GRM5: variants seen among roughly 807,000 people sequenced by gnomAD.
GRM5 encodes metabotropic glutamate receptor 5.
GRM5 carries 19 observed loss-of-function variants against 83.1 expected under a neutral mutation model. The ratio of observed to expected loss-of-function variants is 0.23; its 90% CI spans 0.16 to 0.34. GRM5 has a LOEUF of 0.34. Ranked by LOEUF, GRM5 falls within the 10% of genes least tolerant of loss-of-function variation. The pLI is 1.00. For synonymous variants in GRM5, 675 were observed against 633.6 expected (o/e 1.07, Z -0.98); for missense variants, 1,160 against 1,588.3 (o/e 0.73, Z 4.58).
rs68153026 is a variant in GRM5, at chr11:88,616,389, GTTTTTT to G, written c.1148-11431_1148-11426del. 9.5e-3 allele frequency among the ~76,000 whole-genome samples: 910 copies of G among 95,758 alleles called. 10 individuals are homozygous for G. Among genetic ancestry groups the G allele is most frequent in the African/African-American group, 0.029 (763 of 26,496 alleles). The allele number at this position is 95,758 out of a possible 152,430, so 62.8% of individuals were successfully genotyped here. ...GTTGGATAAGATAGGGCTTTGGAGT[GTTTTTT>G]TTTTTTTTTTTTTTTTTTTACCAGA... is the stretch of plus-strand genomic sequence containing the variant. On this transcript the variant is annotated intron_variant, in intron 4 of 9. Coordinates refer to ENST00000305447, the MANE Select transcript of GRM5 (RefSeq NM_001143831.3).
chr11:88,984,886 T>C (rs755928097), intron 2 of GRM5: 1 of 654,494 alleles, frequency 1.5e-6, no homozygotes, highest in Admixed American at 2.6e-5. Flanking sequence ...TGGCAAATCA[T>C]GAAAATAAAT....
chr11:88,797,068 A>C (rs571458363), intron 3 of GRM5, among the ~76,000 whole-genome samples: 1 of 152,260 alleles, frequency 6.6e-6, no homozygotes, highest in South Asian at 2.1e-4. Flanking sequence ...CTGTACAAAC[A>C]TTGATATCAT....
At chr11:89,054,983 A>C (rs1282377246) in intron 1 of GRM5, among the ~76,000 whole-genome samples, 1 of 152,206 alleles carries the variant, frequency 6.6e-6, no homozygotes. Flanking sequence ...TTAATTTGGA[A>C]CTGAGGGATA....
At chr11:89,006,863 T>A (rs899118522) in intron 2 of GRM5, among the ~76,000 whole-genome samples, 2 of 152,222 alleles carry the variant, frequency 1.3e-5, no homozygotes, top group African/African-American at 4.8e-5. Flanking sequence ...AGTGGCGCAA[T>A]CTCGGCTCAC....
chr11:89,014,227 C>T, intron 2 of GRM5, among the ~76,000 whole-genome samples: 1 of 152,090 alleles, frequency 6.6e-6, no homozygotes, highest in Non-Finnish European at 1.5e-5. Context: ...AGTAACTCCA[C>T]CTCTATTTCT....
chr11:89,043,419 A>T (rs998911663), intron 2 of GRM5, among the ~76,000 whole-genome samples: 3 of 152,180 alleles, frequency 2.0e-5, no homozygotes, highest in African/African-American at 7.2e-5. Context: ...AAATATATTC[A>T]AGCGCTTAAC....
intron 2 of GRM5, among the ~76,000 whole-genome samples, chr11:88,968,459 G>T (rs901406068): frequency 6.6e-6 from 1 of 152,102 alleles, no homozygotes; most frequent in Non-Finnish European, 1.5e-5. Flanking sequence ...AACTTAGGAG[G>T]ATTACTTGAA....
intron 7 of GRM5, among the ~76,000 whole-genome samples, chr11:88,573,546 C>G (rs529193022): frequency 6.6e-6 from 1 of 152,140 alleles, no homozygotes; most frequent in African/African-American, 2.4e-5. Context: ...TGTTTAGAAT[C>G]TCTGAGAATA....
chr11:88,610,433 C>T (rs1485174407), intron 4 of GRM5, among the ~76,000 whole-genome samples: 1 of 152,064 alleles, frequency 6.6e-6, no homozygotes, highest in African/African-American at 2.4e-5. Flanking sequence ...TTTTTCACTT[C>T]CTTGGTAAAC....
intron 2 of GRM5, among the ~76,000 whole-genome samples, chr11:88,887,294 G>A (rs316117): frequency 0.5 from 76,613 of 152,046 alleles, 19,935 homozygotes; most frequent in South Asian, 0.61. Context: ...TTTAAGTCTG[G>A]AAGTTAACCA....
In GRM5 at chr11:88,834,984, C is replaced by T. The variant is rs182677696; in HGVS notation, c.911+14922G>A. Among the ~76,000 whole-genome samples the T allele has an allele frequency of 3.9e-5, 6 of 152,062 alleles. No individual in the cohort carries two copies. The East Asian group carries it at 9.7e-4, about 25-fold the overall frequency. On this transcript the variant is annotated intron_variant, in intron 3 of 9. Transcript: ENST00000305447. ...TGCCTCTCTATTACTGCCATTTTTC[C>T]CCCCCTGCAGTTTCAGCCACTCTAA...
chr11:88,862,547 C>T (rs1351453606), intron 2 of GRM5, among the ~76,000 whole-genome samples: 1 of 152,026 alleles, frequency 6.6e-6, no homozygotes, highest in Non-Finnish European at 1.5e-5. Context: ...CCAATAGTTG[C>T]ATTACTCTAA....
chr11:88,961,709 A>C (rs1229161812), intron 2 of GRM5, among the ~76,000 whole-genome samples: 1 of 152,092 alleles, frequency 6.6e-6, no homozygotes, highest in African/African-American at 2.4e-5. Flanking sequence ...CTTCTTTTTC[A>C]ATTTTATCAT....
At chr11:88,585,204 G>A (rs1316631894) in intron 7 of GRM5, among the ~76,000 whole-genome samples, 1 of 152,128 alleles carries the variant, frequency 6.6e-6, no homozygotes, top group Non-Finnish European at 1.5e-5. Flanking sequence ...CATACGAACA[G>A]CCAGGTTTAA....
At position 89,047,696 on chromosome 11, in the gene GRM5, C is replaced by G; in HGVS notation, c.177G>C (p.Ala59=). 1 of 1,614,058 alleles carries G rather than the reference C, an allele frequency of 6.2e-7. No individual in the cohort carries two copies. The highest frequency in any genetic ancestry group is 1.3e-5 in the African/African-American group (1 of 75,008). Residue 59 remains alanine (A), a synonymous_variant, in exon 2 of 10, where the codon GCG becomes GCC. Transcript: ENST00000305447. The surrounding 1 kb of genome is among the most constrained non-coding windows in gnomAD (Gnocchi z 5.1). ...TCTGAATGCCATACTGTTCACGGAC[C>G]GCCCCACACTTCCTCTCATGAACTT... is the stretch of plus-strand genomic sequence containing the variant. ...VDKVHERKCG[A]VREQYGIQRV...
At chr11:88,732,082 A>G (rs991358961) in intron 3 of GRM5, among the ~76,000 whole-genome samples, 1 of 152,000 alleles carries the variant, frequency 6.6e-6, no homozygotes, top group Non-Finnish European at 1.5e-5. Flanking sequence ...ATCCCTGCCT[A>G]CCACCAACTT....
chr11:88,704,788 G>A (rs143447964), intron 3 of GRM5, among the ~76,000 whole-genome samples: 93 of 151,766 alleles, frequency 6.1e-4, no homozygotes, highest in African/African-American at 2.1e-3. Flanking sequence ...CCTCTTCTTC[G>A]CTCTATACTT....
At chr11:88,890,153 T>C (rs549885935) in intron 2 of GRM5, among the ~76,000 whole-genome samples, 162 of 145,144 alleles carry the variant, frequency 1.1e-3, no homozygotes, top group African/African-American at 3.9e-3. Flanking sequence ...GACTGAGAGA[T>C]GATACTCCCA....
intron 3 of GRM5, among the ~76,000 whole-genome samples, chr11:88,791,768 T>C (rs1370091160): frequency 1.3e-5 from 2 of 152,166 alleles, no homozygotes; most frequent in African/African-American, 4.8e-5. Flanking sequence ...GCATAATCAG[T>C]ATTGAAATGA....
Sources: gnomAD v4.1 joint callset for allele counts (sites outside exome capture counted in the v4.1 genomes callset) on GRCh38, gnomAD v4.1.1 for gene constraint, Gnocchi (gnomAD v3.1) non-coding constraint, MANE v1.5 for transcripts, NCBI Gene and HGNC (gene_info 2026-07-23, HGNC 2026-07-21) for gene names.